SLC12A7: variants seen among roughly 807,000 people sequenced by gnomAD.
SLC12A7 encodes K-Cl cotransporter 4.
SLC12A7 carries 100 observed loss-of-function variants against 120.6 expected under a neutral mutation model. The observed-to-expected ratio is 0.83, with a 90% CI of 0.71 to 0.98. The LOEUF is 0.98. SLC12A7 is among the 50% of genes least tolerant of loss of function. The probability of loss-of-function intolerance (pLI) is 0.00; values close to 1 mark genes in which losing one functional copy is unlikely to be tolerated. For synonymous variants in SLC12A7, 760 were observed against 678.0 expected (o/e 1.12, Z -1.88); for missense variants, 1,373 against 1,548.1 (o/e 0.89, Z 1.90).
At chr5:1,097,433 T>C (rs1741380555) in intron 1 of SLC12A7, among the ~76,000 whole-genome samples, 1 of 152,090 alleles carries the variant, frequency 6.6e-6, no homozygotes, top group Non-Finnish European at 1.5e-5. Context: ...AGGCAACCTA[T>C]GCAGTTGGAA....
chr5:1,079,561 T>G, intron 9 of SLC12A7, 65 bp from the exon 10 acceptor site: 1 of 1,356,236 alleles, frequency 7.4e-7, no homozygotes, highest in Non-Finnish European at 1.1e-6. Context: ...TGGCAGCCCC[T>G]GCCCAGAAAG....
At position 1,057,571 on chromosome 5, in the gene SLC12A7, T is replaced by TG; in HGVS notation, c.2925dup (p.Lys976GlnfsTer14). On this transcript the variant is annotated frameshift_variant, in exon 22 of 24. Coordinates refer to ENST00000264930, the MANE Select transcript of SLC12A7 (RefSeq NM_006598.3). LOFTEE classifies it high-confidence loss of function. ...TCCCTGGTCCAGGTCATCTGCACCT[T>TG]GTCTGGCGTAGGCGGCGCTTGGGTC... 6.2e-7 allele frequency: 1 copy of TG among 1,612,612 alleles called. No individual in the cohort carries two copies. Among genetic ancestry groups the TG allele is most frequent in the Non-Finnish European group, 8.5e-7 (1 of 1,179,946 alleles).
At chr5:1,115,867 G>GGGGGGAAGGGAGGAGAGGGAAGGGAGGA (rs1743298575), upstream of SLC12A7, among the ~76,000 whole-genome samples, 1 of 134,610 alleles carries the variant, frequency 7.4e-6, no homozygotes, top group African/African-American at 3.6e-5. Flanking sequence ...AAAGGAAAGA[G>GGGGGGAAGGGAGGAGAGGGAAGGGAGGA]GTGGGAAGGG....
rs145103734 is a variant in SLC12A7 at position 1,052,386 on chromosome 5, G to T, written c.3226C>A (p.Arg1076=). The change falls in exon 24 of 24, where the codon CGG becomes AGG. Residue 1076 remains arginine (R), a synonymous_variant. Coordinates refer to ENST00000264930, the MANE Select transcript of SLC12A7 (RefSeq NM_006598.3). ...NRVLLVRGGG[R]EVITIYS is the part of the protein sequence containing the mutation. Reference sequence around the variant, plus strand: ...TAGGAGTAGATGGTGATCACCTCCCGGCCGCCACCCCTGACCAGGAGGACT... The same window carrying T: ...TAGGAGTAGATGGTGATCACCTCCCTGCCGCCACCCCTGACCAGGAGGACT... 1 of 1,612,738 alleles carries T rather than the reference G, an allele frequency of 6.2e-7. No individual in the cohort carries two copies. The highest frequency in any genetic ancestry group is 1.3e-5 in the African/African-American group (1 of 74,926).
Position 1,111,914 on chromosome 5 carries a change from C to T in SLC12A7, c.78G>A (p.Glu26=). ...GGGDETAERT[E]APGTPEGPEP... is the part of the protein sequence containing the mutation. ...CGGGGCCCTCGGGGGTGCCCGGAGCCTCCGTCCGCTCGGCAGTCTCGTCCC... is the reference window on the plus strand; with the variant it reads ...CGGGGCCCTCGGGGGTGCCCGGAGCTTCCGTCCGCTCGGCAGTCTCGTCCC... Residue 26 remains glutamate, a synonymous_variant, in exon 1 of 24, where the codon GAG becomes GAA. Transcript: ENST00000264930. 7.9e-7 allele frequency: 1 copy of T among 1,260,458 alleles called. No individual in the cohort carries two copies. Among genetic ancestry groups the T allele is most frequent in the Middle Eastern group, 3.1e-4 (1 of 3,274 alleles). The allele number at this position is 1,260,458 out of a possible 1,614,324, so 78.1% of individuals were successfully genotyped here.
Position 1,075,434 on chromosome 5 carries a change from C to T in SLC12A7, c.1904G>A (p.Trp635Ter). Residue 635 changes from tryptophan (W) to a stop codon, truncating the protein, a stop_gained, in exon 15 of 24, where the codon TGG becomes TAG. Transcript: ENST00000264930. LOFTEE classifies it high-confidence loss of function. The stretch of plus-strand genomic sequence containing the variant: ...GAGCATGGCGGACAGCGCGTAGTAC[C>T]AGGAGCAGATGAACATCAGCGCCAG... ...LCLALMFICS[W>*]YYALSAMLIA... The T allele has an allele frequency of 1.9e-6, 3 of 1,612,608 alleles. No homozygotes were observed. Among genetic ancestry groups the T allele is most frequent in the Middle Eastern group, 1.7e-4 (1 of 6,058 alleles).
At chr5:1,143,605 C>T in the SLC12A7 span, among the ~76,000 whole-genome samples, 3 of 152,306 alleles carry the variant, frequency 2.0e-5, no homozygotes, top group African/African-American at 4.8e-5. Flanking sequence ...TCTGGGGGCA[C>T]GACTCAGTCG....
the SLC12A7 span, among the ~76,000 whole-genome samples, chr5:1,135,768 A>G: frequency 1.3e-5 from 2 of 152,202 alleles, no homozygotes; most frequent in African/African-American, 4.8e-5. Context: ...TCGCCCTGGT[A>G]AGGGCAGGAA....
intron 1 of SLC12A7, among the ~76,000 whole-genome samples, chr5:1,110,346 C>T (rs531043079): frequency 7.2e-5 from 11 of 152,230 alleles, no homozygotes; most frequent in Non-Finnish European, 8.8e-5. Flanking sequence ...CCTCCTGACA[C>T]GCCCGTAGCA....
In SLC12A7 at chr5:1,077,927, A is replaced by G. The variant is rs546796584; in HGVS notation, c.1535T>C (p.Phe512Ser). ...CAGGCCGGCACCGCAGGTGGAGAAG[A>G]AGGAGCCGATGACGATGACCCAGGG... ...PSPWVIVIGS[F>S]FSTCGAGLQS... The change falls in exon 12 of 24, where the codon TTC (phenylalanine) becomes TCC (serine). Residue 512 changes from phenylalanine (F) to serine (S), a missense_variant. By Grantham distance (155) the Phe-to-Ser change is radical. Transcript: ENST00000264930. The G allele has an allele frequency of 2.4e-5, 39 of 1,601,684 alleles. No homozygotes were observed. Among genetic ancestry groups the G allele is most frequent in the Non-Finnish European group, 2.4e-5 (28 of 1,174,724 alleles).
chr5:1,087,114 G>A lies in SLC12A7; in HGVS notation c.545-81C>T, dbSNP rs911141822. ...AGGTGCGGTCTGCGCTGCCATTCAC[G>A]GGCAAAGGAGGGCCTGTCTCTGCGA... On this transcript the variant is annotated intron_variant, in intron 5 of 23. Transcript: ENST00000264930. 5 of 1,473,254 alleles carry A rather than the reference G, an allele frequency of 3.4e-6. No individual in the cohort carries two copies. In the South Asian group the frequency reaches 4.1e-5, roughly 12 times the overall value. The allele number at this position is 1,473,254 out of a possible 1,614,324, so 91.3% of individuals were successfully genotyped here. A position where few individuals can be genotyped will look rare whatever the true frequency, so the allele number is the denominator to read the frequency against.
chr5:1,111,480 G>T (rs570167359), intron 1 of SLC12A7, among the ~76,000 whole-genome samples: 2 of 152,242 alleles, frequency 1.3e-5, no homozygotes, highest in African/African-American at 4.8e-5. Flanking sequence ...GAGCGCGGGG[G>T]ACGCAGGACG....
chr5:1,098,116 C>T (rs1216478455), intron 1 of SLC12A7, among the ~76,000 whole-genome samples: 107 of 127,724 alleles, frequency 8.4e-4, no homozygotes, highest in Admixed American at 7.6e-4. Flanking sequence ...CCCAGCCCCC[C>T]TCTAACCCTC....
intron 19 of SLC12A7, 25 bp from the exon 20 acceptor site, chr5:1,064,000 T>C (rs1221399261): frequency 1.2e-6 from 2 of 1,610,346 alleles, no homozygotes; most frequent in African/African-American, 1.3e-5. Flanking sequence ...GGCATGGCTG[T>C]GGGGCCTCAG....
At position 1,112,057 on chromosome 5, in the gene SLC12A7, C is replaced by A; in HGVS notation, c.-66G>T. ...CGCTGCGCCGCTCCCGCCGACGCCA[C>A]GGGACTTGGAGGCAGGGGCGGGGTC... On this transcript the variant is annotated 5_prime_UTR_variant, in exon 1 of 24. Transcript: ENST00000264930. The A allele has an allele frequency of 8.3e-7, 1 of 1,205,670 alleles. No individual in the cohort carries two copies. The highest frequency in any genetic ancestry group is 3.4e-5 in the East Asian group (1 of 29,232). 74.7% of individuals were successfully genotyped at this position (1,205,670 alleles called of 1,614,324 possible).
chr5:1,154,545 G>A, the SLC12A7 span, among the ~76,000 whole-genome samples: 79 of 151,884 alleles, frequency 5.2e-4, no homozygotes, highest in Middle Eastern at 3.4e-3. Context: ...ACACACACAC[G>A]GACACACACA....
the SLC12A7 span, among the ~76,000 whole-genome samples, chr5:1,122,186 C>T: frequency 6.6e-6 from 1 of 152,184 alleles, no homozygotes; most frequent in Non-Finnish European, 1.5e-5. Context: ...ACTTTCCCTG[C>T]CCCCACCGCC....
upstream of SLC12A7, among the ~76,000 whole-genome samples, chr5:1,115,853 AGG>A: frequency 7.0e-6 from 1 of 143,200 alleles, no homozygotes; most frequent in African/African-American, 2.7e-5. Flanking sequence ...GGGAAGGGGG[AGG>A]GAAAGGAAAG....
At chr5:1,094,076 G>A (rs1740842079) in intron 2 of SLC12A7, 78 bp downstream of exon 2, 10 of 1,221,468 alleles carry the variant, frequency 8.2e-6, no homozygotes, top group Admixed American at 3.6e-5. Flanking sequence ...CCCGGCCTGG[G>A]GGCCCCCAGG....
Sources: gnomAD v4.1 joint callset for allele counts (sites outside exome capture counted in the v4.1 genomes callset) on GRCh38, gnomAD v4.1.1 for gene constraint, MANE v1.5 for transcripts, NCBI Gene and HGNC (gene_info 2026-07-23, HGNC 2026-07-21) for gene names.